FOXO3: variants seen among roughly 807,000 people sequenced by gnomAD.
The protein encoded by FOXO3 is forkhead box O3.
In FOXO3, 4 loss-of-function variants were observed where a neutral mutation model predicts 41.9. The observed-to-expected ratio is 0.10, with a 90% CI of 0.05 to 0.22. The LOEUF (loss-of-function observed/expected upper bound fraction) is 0.22. Ranked by LOEUF, FOXO3 falls within the 10% of genes least tolerant of loss-of-function variation. FOXO3 has a pLI of 1.00. For missense variants in FOXO3, 534 were observed against 906.8 expected, an observed-to-expected ratio of 0.59 and a Z score of 5.28; for synonymous variants, 318 against 389.3, an observed-to-expected ratio of 0.82 and a Z score of 2.16.
rs1230521056 is a variant in FOXO3 at position 108,684,358 on chromosome 6, A to T, written c.*4566A>T. On this transcript the variant is annotated 3_prime_UTR_variant, in exon 3 of 3. Coordinates refer to ENST00000406360, the MANE Select transcript of FOXO3 (RefSeq NM_001455.4). ...AAAAAGTTGCATGAATGGAAAAAAAAATCTGTATACAGTATCTGTAAAAAC... is the reference window on the plus strand; with the variant it reads ...AAAAAGTTGCATGAATGGAAAAAAATATCTGTATACAGTATCTGTAAAAAC... 6.6e-6 allele frequency: 1 copy of T among 152,238 alleles called. No individual in the cohort carries two copies. Among genetic ancestry groups the T allele is most frequent in the African/African-American group, 2.4e-5 (1 of 41,438 alleles). 9.4% of individuals were successfully genotyped at this position (152,238 alleles called of 1,614,324 possible). A position where few individuals can be genotyped will look rare whatever the true frequency, so the allele number is the denominator to read the frequency against.
chr6:108,583,163 T>C (rs1338530847), intron 1 of FOXO3, among the ~76,000 whole-genome samples: 1 of 152,204 alleles, frequency 6.6e-6, no homozygotes, highest in Non-Finnish European at 1.5e-5. Context: ...CATGAACATA[T>C]GTAATGTGCC....
At chr6:108,630,166 A>G (rs910296706) in intron 1 of FOXO3, among the ~76,000 whole-genome samples, 12 of 152,170 alleles carry the variant, frequency 7.9e-5, no homozygotes, top group African/African-American at 2.9e-4. Flanking sequence ...TCTGGTGGAT[A>G]AGGAAGGTTT....
intron 1 of FOXO3, among the ~76,000 whole-genome samples, chr6:108,576,858 A>G (rs1180552894): frequency 6.6e-6 from 1 of 152,214 alleles, no homozygotes; most frequent in Non-Finnish European, 1.5e-5. Context: ...TGCCTTAAAC[A>G]GGATCATAAA....
intron 1 of FOXO3, among the ~76,000 whole-genome samples, chr6:108,601,115 C>A (rs1777041054): frequency 6.6e-6 from 1 of 151,980 alleles, no homozygotes; most frequent in South Asian, 2.1e-4. Context: ...TCACTCCATT[C>A]TCCTGCCTCA....
intron 1 of FOXO3, among the ~76,000 whole-genome samples, chr6:108,614,927 A>G (rs562704089): frequency 6.6e-6 from 1 of 152,038 alleles, no homozygotes; most frequent in South Asian, 2.1e-4. Flanking sequence ...CTTATTAGGT[A>G]CATCTCTTTG....
At chr6:108,561,863 G>A (rs1582721214) in intron 1 of FOXO3, 34 bp downstream of exon 1, 2 of 1,507,090 alleles carry the variant, frequency 1.3e-6, no homozygotes, top group East Asian at 2.6e-5. Flanking sequence ...AGCAGGACCC[G>A]CCGGGCCTCC....
Position 108,663,727 on chromosome 6 carries a change from C to T in FOXO3, c.894C>T (p.Arg298=). The T allele has an allele frequency of 6.2e-7, 1 of 1,613,742 alleles. No individual in the cohort carries two copies. The highest frequency in any genetic ancestry group is 8.5e-7 in the Non-Finnish European group (1 of 1,179,736). ...LSKWPGSPTS[R]SSDELDAWTD... Reference sequence around the variant, plus strand: ...AGTGGCCTGGCAGCCCCACGTCACGCAGCAGTGATGAGCTGGATGCGTGGA... The same window carrying T: ...AGTGGCCTGGCAGCCCCACGTCACGTAGCAGTGATGAGCTGGATGCGTGGA... The change falls in exon 2 of 3, where the codon CGC becomes CGT. Residue 298 remains arginine, a synonymous_variant. Transcript: ENST00000406360.
chr6:108,604,422 A>AT (rs965097670), intron 1 of FOXO3, among the ~76,000 whole-genome samples: 2 of 151,816 alleles, frequency 1.3e-5, no homozygotes, highest in Non-Finnish European at 2.9e-5. Context: ...TTCCTGATAT[A>AT]TTTTTTTTCT....
intron 1 of FOXO3, among the ~76,000 whole-genome samples, chr6:108,579,776 A>G (rs547435600): frequency 6.6e-6 from 1 of 151,976 alleles, no homozygotes; most frequent in Non-Finnish European, 1.5e-5. Flanking sequence ...CCTGCCCAGT[A>G]GCAGTCCAGA....
chr6:108,663,341 T>C, intron 1 of FOXO3, 114 bp from the exon 2 acceptor site: 1 of 1,434,116 alleles, frequency 7.0e-7, no homozygotes. Flanking sequence ...AGTGAGACCT[T>C]GTCTCAAAAA....
intron 1 of FOXO3, among the ~76,000 whole-genome samples, chr6:108,641,570 T>C (rs1310551905): frequency 3.3e-5 from 5 of 152,170 alleles, no homozygotes; most frequent in Non-Finnish European, 7.3e-5. Flanking sequence ...AGGCAACTTA[T>C]CCAGACAGAG....
In FOXO3 at chr6:108,634,334, C is replaced by T. The variant is rs148896729; in HGVS notation, c.622-29121C>T. On this transcript the variant is annotated intron_variant, in intron 1 of 2. Coordinates refer to ENST00000406360, the MANE Select transcript of FOXO3 (RefSeq NM_001455.4). The stretch of plus-strand genomic sequence containing the variant: ...GTGATGAGGATATTATCTTGGGTGG[C>T]GCAAGGTTTCAGAGATAAGAATCTG... 6.9e-3 allele frequency among the ~76,000 whole-genome samples: 1,048 copies of T among 152,020 alleles called. 12 individuals are homozygous for T. The highest frequency in any genetic ancestry group is 0.024 in the African/African-American group (1,006 of 41,460).
chr6:108,594,942 GT>G (rs1776835639), intron 1 of FOXO3, among the ~76,000 whole-genome samples: 1 of 152,194 alleles, frequency 6.6e-6, no homozygotes, highest in African/African-American at 2.4e-5. Context: ...TTTTCAGCAC[GT>G]TGGTACCTAC....
chr6:108,571,356 G>T (rs1310155813), intron 1 of FOXO3, among the ~76,000 whole-genome samples: 1 of 152,148 alleles, frequency 6.6e-6, no homozygotes, highest in African/African-American at 2.4e-5. Context: ...TTGGTGGTGG[G>T]GGTTTATTTT....
chr6:108,678,083 C>T (rs1331629229), intron 2 of FOXO3, among the ~76,000 whole-genome samples: 3 of 152,104 alleles, frequency 2.0e-5, no homozygotes, highest in Admixed American at 1.3e-4. Context: ...TAAATATGAC[C>T]ATGGGCATGT....
intron 1 of FOXO3, among the ~76,000 whole-genome samples, chr6:108,656,698 G>A (rs755834111): frequency 6.6e-6 from 1 of 152,194 alleles, no homozygotes; most frequent in Admixed American, 6.5e-5. Flanking sequence ...TATCCTGCCT[G>A]TGGGAATTAT....
intron 1 of FOXO3, among the ~76,000 whole-genome samples, chr6:108,628,733 G>A (rs1357312304): frequency 2.0e-5 from 3 of 152,118 alleles, no homozygotes; most frequent in Non-Finnish European, 4.4e-5. Context: ...CTCTGCAGCC[G>A]GGTTATAGCT....
intron 1 of FOXO3, among the ~76,000 whole-genome samples, chr6:108,612,667 C>T (rs1053124747): frequency 1.3e-5 from 2 of 151,010 alleles, no homozygotes; most frequent in South Asian, 2.1e-4. Context: ...GTGACAATAG[C>T]GAAACTCTGT....
At chr6:108,660,803 G>A (rs373782874) in intron 1 of FOXO3, among the ~76,000 whole-genome samples, 10 of 152,222 alleles carry the variant, frequency 6.6e-5, no homozygotes, top group African/African-American at 2.2e-4. Flanking sequence ...TCAGGAGATC[G>A]AGACCATCCT....
Sources: allele counts gnomAD v4.1 joint callset (sites outside exome capture counted in the v4.1 genomes callset), GRCh38; gene constraint gnomAD v4.1.1; transcripts MANE v1.5; gene names NCBI Gene and HGNC (gene_info 2026-07-23, HGNC 2026-07-21).